FBXO27: variants seen among roughly 807,000 people sequenced by gnomAD.
FBXO27 encodes the protein F-box only protein 27.
FBXO27 carries 28 observed loss-of-function variants against 28.3 expected under a neutral mutation model. The ratio of observed to expected loss-of-function variants is 0.99; its 90% confidence interval spans 0.73 to 1.36. The LOEUF is 1.36. FBXO27 is among the 40% of genes most tolerant of loss of function. FBXO27 has a pLI of 0.00. For synonymous variants in FBXO27, 175 were observed against 167.3 expected (o/e 1.05, Z -0.36); for missense variants, 388 against 394.1 (o/e 0.98, Z 0.13).
intron 2 of FBXO27, among the ~76,000 whole-genome samples, chr19:39,012,491 C>G (rs2072800333): frequency 6.6e-6 from 1 of 152,076 alleles, no homozygotes; most frequent in African/African-American, 2.4e-5. Context: ...GCGTCATTTT[C>G]AAATTCTCAT....
chr19:39,019,876 T>C (rs1442784622), downstream of FBXO27, among the ~76,000 whole-genome samples: 1 of 151,968 alleles, frequency 6.6e-6, no homozygotes, highest in East Asian at 1.9e-4. Context: ...CTCAGTCTCC[T>C]GAGTAGCTGG....
Position 39,025,260 on chromosome 19 carries a change from A to T in FBXO27, c.*151T>A. 1.9e-6 allele frequency: 2 copies of T among 1,033,822 alleles called. No homozygotes were observed. The highest frequency in any genetic ancestry group is 2.8e-6 in the Non-Finnish European group (2 of 716,540). 64.0% of individuals were successfully genotyped at this position (1,033,822 alleles called of 1,614,324 possible). On this transcript the variant is annotated 3_prime_UTR_variant, in exon 6 of 6. Coordinates refer to ENST00000292853, the MANE Select transcript of FBXO27 (RefSeq NM_178820.5). ...TTCTGGTAGTTTCTAGAACCTGAAG[A>T]CAGGGCCCGTCAGGGCCTTTGATTG...
Position 39,032,461 on chromosome 19 carries a change from C to T in FBXO27, c.-27+42G>A. 1 of 539,896 alleles carries T rather than the reference C, an allele frequency of 1.9e-6. No individual in the cohort carries two copies. The allele number at this position is 539,896 out of a possible 1,614,324, so 33.4% of individuals were successfully genotyped here. ...TATGCCCCGAATTGCATGCAATCAG[C>T]CCCCCTCGGCGGCCGCACCGACACC... is the stretch of plus-strand genomic sequence containing the variant. On this transcript the variant is annotated intron_variant, in intron 1 of 5. Transcript: ENST00000292853. The surrounding 1 kb of genome is among the most constrained non-coding windows in gnomAD (Gnocchi z 4.7).
At chr19:39,014,536 G>A (rs1282682977) in exon 2 of FBXO27, 2 of 151,810 alleles carry the variant, frequency 1.3e-5, no homozygotes, top group African/African-American at 4.9e-5. Context: ...GCAACATAGT[G>A]AAACTGTGTC....
chr19:39,013,789 G>A (rs928324412), intron 2 of FBXO27, among the ~76,000 whole-genome samples: 9 of 152,070 alleles, frequency 5.9e-5, no homozygotes, highest in Middle Eastern at 3.4e-3. Flanking sequence ...CAAGGCAGGC[G>A]GATCACGAGG....
Position 39,031,034 on chromosome 19 carries a change from A to C in FBXO27, c.567T>G (p.Ser189=). Residue 189 remains serine, a synonymous_variant, in exon 4 of 6, where the codon TCT becomes TCG. Coordinates refer to ENST00000292853, the MANE Select transcript of FBXO27 (RefSeq NM_178820.5). ...LDSGRIEICV[S]DWWGARHDSG... ...ATTTTAATCGTCACACTCACCAGTC[A>C]GAGACACAAATCTCAATCCTGCCAC... 1 of 1,611,518 alleles carries C rather than the reference A, an allele frequency of 6.2e-7. No homozygotes were observed. Among genetic ancestry groups the C allele is most frequent in the South Asian group, 1.1e-5 (1 of 91,062 alleles).
intron 2 of FBXO27, 74 bp from the exon 3 acceptor site, chr19:39,031,394 G>GC: frequency 1.5e-6 from 2 of 1,362,658 alleles, no homozygotes; most frequent in Non-Finnish European, 2.1e-6. Flanking sequence ...CCCGCCCCTA[G>GC]CCCCTCCCAC....
In FBXO27 at chr19:39,025,310, G is replaced by C. The variant is rs928238103; in HGVS notation, c.*101C>G. The stretch of plus-strand genomic sequence containing the variant: ...GGACCCAGGAATTCTCAGTATGCCA[G>C]GGAGGTACAAGTGCTTGGTTGGTTA... On this transcript the variant is annotated 3_prime_UTR_variant, in exon 6 of 6. Transcript: ENST00000292853. 2.1e-6 allele frequency: 3 copies of C among 1,451,814 alleles called. No homozygotes were observed. The highest frequency in any genetic ancestry group is 2.8e-6 in the Non-Finnish European group (3 of 1,078,064). The allele number at this position is 1,451,814 out of a possible 1,614,324, so 89.9% of individuals were successfully genotyped here.
At chr19:39,025,841 C>T (rs1169692064) in intron 5 of FBXO27, among the ~76,000 whole-genome samples, 1 of 152,004 alleles carries the variant, frequency 6.6e-6, no homozygotes, top group African/African-American at 2.4e-5. Context: ...ACGGTGAAAC[C>T]CTGTCTCTAC....
chr19:39,029,228 C>G (rs2072889287), intron 4 of FBXO27, among the ~76,000 whole-genome samples: 1 of 151,254 alleles, frequency 6.6e-6, no homozygotes, highest in African/African-American at 2.4e-5. Context: ...CAGTTCAAGA[C>G]CAGCCTGGGC....
At chr19:39,031,452 G>A in intron 2 of FBXO27, 132 bp from the exon 3 acceptor site, 1 of 609,298 alleles carries the variant, frequency 1.6e-6, no homozygotes, top group Non-Finnish European at 2.6e-6. Context: ...CCGAGGCCCC[G>A]CCCCCTTCCC....
chr19:39,016,440 AAC>A (rs1220059585), intron 1 of FBXO27, among the ~76,000 whole-genome samples: 1 of 151,870 alleles, frequency 6.6e-6, no homozygotes, highest in African/African-American at 2.4e-5. Context: ...TTTTGCTGTG[AAC>A]CTAAAACTGC....
chr19:39,028,818 G>T (rs1471072130), intron 4 of FBXO27, among the ~76,000 whole-genome samples: 1 of 151,678 alleles, frequency 6.6e-6, no homozygotes, highest in Non-Finnish European at 1.5e-5. Context: ...AGCTGAGATT[G>T]TGCCATTGCA....
chr19:39,006,802 G>A (rs2144877025), intron 2 of FBXO27, among the ~76,000 whole-genome samples: 1 of 151,924 alleles, frequency 6.6e-6, no homozygotes, highest in Admixed American at 6.6e-5. Context: ...TCCCAGGCCA[G>A]GTGCTGTGGC....
intron 1 of FBXO27, among the ~76,000 whole-genome samples, chr19:39,015,895 C>A (rs1053329785): frequency 6.6e-6 from 1 of 151,948 alleles, no homozygotes; most frequent in East Asian, 1.9e-4. Flanking sequence ...CATGGTAAAA[C>A]CCCGTCTCAA....
intron 4 of FBXO27, 73 bp downstream of exon 4, chr19:39,030,956 A>T: frequency 7.8e-7 from 1 of 1,285,590 alleles, no homozygotes; most frequent in Non-Finnish European, 1.1e-6. Flanking sequence ...GGCCTAAATT[A>T]AGTCACCCAT....
downstream of FBXO27, among the ~76,000 whole-genome samples, chr19:39,019,548 G>C (rs568834673): frequency 6.6e-6 from 1 of 150,532 alleles, no homozygotes; most frequent in African/African-American, 2.4e-5. Context: ...CTAAAGGAAG[G>C]TGAGGGACAT....
chr19:39,032,390 C>T lies in FBXO27; in HGVS notation c.-27+113G>A, dbSNP rs141689798. The T allele has an allele frequency of 2.2e-3, 2,318 of 1,068,022 alleles. 39 individuals are homozygous for T. In the African/African-American group the frequency reaches 0.036, roughly 16 times the overall value. 66.2% of individuals were successfully genotyped at this position (1,068,022 alleles called of 1,614,324 possible). A position where few individuals can be genotyped will look rare whatever the true frequency, so the allele number is the denominator to read the frequency against. ...CGTCCCCAAGTCCCCATCCCCCAGC[C>T]CGTCCTTGATAGCCCCGATATCCCG... On this transcript the variant is annotated intron_variant, in intron 1 of 5. Transcript: ENST00000292853. This position sits in a 1 kb window ranked among gnomAD's most constrained non-coding sequence, Gnocchi z 4.7.
In FBXO27 at chr19:39,031,992, C is replaced by T. The variant is rs772655162; in HGVS notation, c.236G>A (p.Gly79Asp). 2 of 1,516,396 alleles carry T rather than the reference C, an allele frequency of 1.3e-6. No homozygotes were observed. Among genetic ancestry groups the T allele is most frequent in the East Asian group, 5.3e-5 (2 of 37,832 alleles). The allele number at this position is 1,516,396 out of a possible 1,614,324, so 93.9% of individuals were successfully genotyped here. A position where few individuals can be genotyped will look rare whatever the true frequency, so the allele number is the denominator to read the frequency against. ...GCGGGCGAGGTGCAGCAGCGCGCGG[C>T]CGGTGGCGCCGTGGTCGCGGGCCAG... ...LILARDHGAT[G>D]RALLHLARSC... Residue 79 changes from glycine (G) to aspartate (D), a missense_variant, in exon 2 of 6, where the codon GGC becomes GAC. Coordinates refer to ENST00000292853, the MANE Select transcript of FBXO27 (RefSeq NM_178820.5).
Sources: allele counts gnomAD v4.1 joint callset (sites outside exome capture counted in the v4.1 genomes callset), GRCh38; gene constraint gnomAD v4.1.1; non-coding constraint Gnocchi (gnomAD v3.1); transcripts MANE v1.5; gene names NCBI Gene and HGNC (gene_info 2026-07-23, HGNC 2026-07-21).